The following SPATS2 variants were observed in gnomAD, a reference collection of about 807,000 sequenced individuals.
SPATS2 encodes spermatogenesis-associated serine-rich protein 2.
In SPATS2, 38 loss-of-function variants were observed where a neutral mutation model predicts 63.7. The ratio of observed to expected loss-of-function variants is 0.60; its 90% CI spans 0.46 to 0.78. SPATS2 has a LOEUF of 0.78. SPATS2 is among the 30% of genes least tolerant of loss of function. The probability of loss-of-function intolerance (pLI) is 0.00; values close to 1 mark genes in which losing one functional copy is unlikely to be tolerated. For missense variants in SPATS2, 588 were observed against 666.2 expected, an observed-to-expected ratio of 0.88 and a Z score of 1.29; for synonymous variants, 207 against 232.9, an observed-to-expected ratio of 0.89 and a Z score of 1.01.
chr12:49,447,821 C>CT (rs1410867142), intron 2 of SPATS2, among the ~76,000 whole-genome samples: 1 of 151,938 alleles, frequency 6.6e-6, no homozygotes, highest in Non-Finnish European at 1.5e-5. Flanking sequence ...TAATGATGTT[C>CT]TTTGTTTTAT....
intron 2 of SPATS2, among the ~76,000 whole-genome samples, chr12:49,452,096 G>A (rs1945632925): frequency 6.6e-6 from 1 of 152,018 alleles, no homozygotes; most frequent in Non-Finnish European, 1.5e-5. Flanking sequence ...ATCTCTTTGT[G>A]TGTATTGCAG....
chr12:49,492,275 C>T lies in SPATS2; in HGVS notation c.264+1544C>T, dbSNP rs890918098. On this transcript the variant is annotated intron_variant, in intron 6 of 13. Coordinates refer to ENST00000552918, the MANE Select transcript of SPATS2 (RefSeq NM_023071.4). ...TGCTCTGTCGCCCAGGCTGGAGTGC[C>T]GTGGCGCGATCTCGGCTCACTGCAG... Among the ~76,000 whole-genome samples, 16 of 150,700 alleles carry T rather than the reference C, an allele frequency of 1.1e-4. No individual in the cohort carries two copies. In the South Asian group the frequency reaches 1.3e-3, roughly 12 times the overall value.
At chr12:49,391,242 G>A (rs554792095) in intron 2 of SPATS2, among the ~76,000 whole-genome samples, 3 of 152,270 alleles carry the variant, frequency 2.0e-5, no homozygotes, top group Non-Finnish European at 2.9e-5. Flanking sequence ...TGCCGGGCGC[G>A]GTGGCTCACG....
chr12:49,484,711 G>C (rs1946260264), intron 4 of SPATS2, 42 bp downstream of exon 4: 1 of 1,574,718 alleles, frequency 6.4e-7, no homozygotes, highest in Non-Finnish European at 8.7e-7. Flanking sequence ...AATGTCATAG[G>C]AAAATTTAGG....
chr12:49,450,873 G>GT (rs936036160), intron 2 of SPATS2, among the ~76,000 whole-genome samples: 60 of 145,396 alleles, frequency 4.1e-4, no homozygotes, highest in South Asian at 8.8e-4. Flanking sequence ...TTTGTTTTTT[G>GT]TTTTTTTTTT....
intron 4 of SPATS2, chr12:49,486,239 C>T (rs1346686161): frequency 2.2e-6 from 1 of 453,194 alleles, no homozygotes; most frequent in East Asian, 7.0e-5. Context: ...GAATTTCACT[C>T]TGTCGTCCAG....
At chr12:49,367,743 A>G (rs146653719) in intron 1 of SPATS2, among the ~76,000 whole-genome samples, 156 bp downstream of exon 1, 1,845 of 146,790 alleles carry the variant, frequency 0.013, 45 homozygotes, top group African/African-American at 0.045. Context: ...CGAAGTGCCC[A>G]GAGGGTGGAA....
chr12:49,414,935 C>CTTTTTTTTTTTTTTTTTTTTTTTTTT (rs199648430), intron 2 of SPATS2, among the ~76,000 whole-genome samples: 1 of 135,918 alleles, frequency 7.4e-6, no homozygotes, highest in Admixed American at 7.1e-5. Context: ...TTTTCTTTTT[C>CTTTTTTTTTTTTTTTTTTTTTTTTTT]TTTTCTTTTT....
chr12:49,457,379 C>G (rs1428467007), intron 2 of SPATS2, among the ~76,000 whole-genome samples: 3 of 151,942 alleles, frequency 2.0e-5, no homozygotes, highest in Admixed American at 6.5e-5. Flanking sequence ...TCTTTGGGAC[C>G]TATCTGACCC....
At position 49,367,506 on chromosome 12, in the gene SPATS2, T is replaced by C. The variant is rs1216191679; in HGVS notation, c.-388T>C. On this transcript the variant is annotated 5_prime_UTR_variant, in exon 1 of 14. Coordinates refer to ENST00000552918, the MANE Select transcript of SPATS2 (RefSeq NM_023071.4). The stretch of plus-strand genomic sequence containing the variant: ...CTAGAAGGGGAGGTGGAGGATCTCC[T>C]TTCCTCTTCTCAGACCCGGGAGCGT... The C allele has an allele frequency of 3.8e-5, 15 of 398,794 alleles. No individual in the cohort carries two copies. The highest frequency in any genetic ancestry group is 6.6e-5 in the Non-Finnish European group (15 of 226,716). The allele number at this position is 398,794 out of a possible 1,614,324, so 24.7% of individuals were successfully genotyped here.
intron 2 of SPATS2, among the ~76,000 whole-genome samples, chr12:49,425,237 T>C (rs1055797885): frequency 1.3e-5 from 2 of 152,204 alleles, no homozygotes; most frequent in Non-Finnish European, 2.9e-5. Context: ...CACACTTAAA[T>C]TGAGGACAGT....
chr12:49,526,071 G>A lies in SPATS2; in HGVS notation c.1454G>A (p.Gly485Asp). Residue 485 changes from glycine (G) to aspartate (D), a missense_variant, in exon 14 of 14, where the codon GGT (glycine) becomes GAT (aspartate). Transcript: ENST00000552918. The stretch of plus-strand genomic sequence containing the variant: ...AGAAACAGCTCGTGGTATTCATCTG[G>A]TTCCAGGTATCAGAGTGCTCCATCT... ...RYRNSSWYSS[G>D]SRYQSAPSQA... is the part of the protein sequence containing the mutation. 3 of 1,614,228 alleles carry A rather than the reference G, an allele frequency of 1.9e-6. No homozygotes were observed. Among genetic ancestry groups the A allele is most frequent in the Non-Finnish European group, 2.5e-6 (3 of 1,180,048 alleles).
At chr12:49,448,293 A>G (rs1945552852) in intron 2 of SPATS2, among the ~76,000 whole-genome samples, 1 of 151,090 alleles carries the variant, frequency 6.6e-6, no homozygotes, top group South Asian at 2.1e-4. Context: ...ACCCGCCACC[A>G]TGCCCGGCTA....
chr12:49,370,268 T>A (rs1214498870), intron 1 of SPATS2, among the ~76,000 whole-genome samples: 1 of 152,226 alleles, frequency 6.6e-6, no homozygotes, highest in Admixed American at 6.5e-5. Context: ...AATTGCTGCT[T>A]TCAGTTTCCC....
chr12:49,402,703 AG>A (rs1235066369), intron 2 of SPATS2, among the ~76,000 whole-genome samples: 1 of 152,188 alleles, frequency 6.6e-6, no homozygotes, highest in African/African-American at 2.4e-5. Context: ...GAAGTGACCT[AG>A]GCATATCAGA....
intron 2 of SPATS2, among the ~76,000 whole-genome samples, chr12:49,375,184 GT>G (rs1565690723): frequency 5.0e-5 from 6 of 119,168 alleles, no homozygotes; most frequent in South Asian, 4.9e-4. Flanking sequence ...GTGTGTGTGT[GT>G]GTGTGTGTGT....
chr12:49,462,286 C>A (rs535014566), intron 3 of SPATS2: 4 of 702,176 alleles, frequency 5.7e-6, no homozygotes, highest in African/African-American at 5.2e-5. Context: ...AAGGAGAGCG[C>A]GAGTGAACAA....
chr12:49,522,067 T>G (rs1220982837), intron 11 of SPATS2, among the ~76,000 whole-genome samples: 1 of 152,156 alleles, frequency 6.6e-6, no homozygotes, highest in South Asian at 2.1e-4. Flanking sequence ...TTAGACATTG[T>G]TTAATGAAAT....
chr12:49,465,324 T>G (rs1696717783), intron 3 of SPATS2, among the ~76,000 whole-genome samples: 1 of 152,132 alleles, frequency 6.6e-6, no homozygotes, highest in African/African-American at 2.4e-5. Context: ...GTATCAGGAT[T>G]TCATATTTTC....
Sources: allele counts gnomAD v4.1 joint callset (sites outside exome capture counted in the v4.1 genomes callset), GRCh38; gene constraint gnomAD v4.1.1; transcripts MANE v1.5; gene names NCBI Gene and HGNC (gene_info 2026-07-23, HGNC 2026-07-21).